The following ARHGEF33 variants were observed in gnomAD, a reference collection of about 807,000 sequenced individuals.
The protein encoded by ARHGEF33 is Rho guanine nucleotide exchange factor 33, also known as DH and coiled-coil domain-containing protein ENSP00000381780.
In ARHGEF33, 72 loss-of-function variants were observed where a neutral mutation model predicts 101.9. The observed-to-expected ratio is 0.71, with a 90% CI of 0.58 to 0.86. The LOEUF (loss-of-function observed/expected upper bound fraction) is 0.86. ARHGEF33 is among the 40% of genes least tolerant of loss of function. The pLI, the probability that ARHGEF33 is intolerant of heterozygous loss-of-function variation, is 0.00. For synonymous variants in ARHGEF33, 499 were observed against 442.5 expected (o/e 1.13, Z -1.60); for missense variants, 1,169 against 1,111.3 (o/e 1.05, Z -0.74).
At chr2:38,968,129 G>A (rs529587976) in intron 17 of ARHGEF33, among the ~76,000 whole-genome samples, 1 of 152,104 alleles carries the variant, frequency 6.6e-6, no homozygotes, top group African/African-American at 2.4e-5. Flanking sequence ...AGTGACATGA[G>A]GCAGAGGGAG....
chr2:38,956,890 T>A lies in ARHGEF33; in HGVS notation c.1222-9T>A. Reference sequence around the variant, plus strand: ...TATGCAATGCTACTTCCTTTTCCCCTCCATCCAGAACGTCCTGAAGTTCAC... The same window carrying A: ...TATGCAATGCTACTTCCTTTTCCCCACCATCCAGAACGTCCTGAAGTTCAC... On this transcript the variant is annotated splice_polypyrimidine_tract_variant and intron_variant, in intron 13 of 17. Transcript: ENST00000409978. 6.4e-7 allele frequency: 1 copy of A among 1,551,882 alleles called. No homozygotes were observed. The highest frequency in any genetic ancestry group is 8.7e-7 in the Non-Finnish European group (1 of 1,146,750).
At chr2:38,945,109 G>T (rs1173756609) in intron 10 of ARHGEF33, among the ~76,000 whole-genome samples, 1 of 152,128 alleles carries the variant, frequency 6.6e-6, no homozygotes, top group African/African-American at 2.4e-5. Context: ...CAATCCAAAA[G>T]AATGGAAAGT....
intron 2 of ARHGEF33, among the ~76,000 whole-genome samples, chr2:38,913,161 C>CA (rs1666551646): frequency 6.6e-6 from 1 of 152,076 alleles, no homozygotes; most frequent in African/African-American, 2.4e-5. Context: ...CACAGCCTCC[C>CA]AAGTAGCTGA....
In ARHGEF33 at chr2:38,973,781, C is replaced by A. The variant is rs778577494; in HGVS notation, c.2551C>A (p.Gln851Lys). 3.2e-6 allele frequency: 5 copies of A among 1,549,226 alleles called. No homozygotes were observed. In the South Asian group the frequency reaches 6.0e-5, roughly 18 times the overall value. ...NPSMDPSPTK[Q>K]DFFRNRLALA... Reference sequence around the variant, plus strand: ...CTCAATGGATCCTTCACCCACCAAACAAGATTTCTTCAGAAACCGACTTGC... The same window carrying A: ...CTCAATGGATCCTTCACCCACCAAAAAAGATTTCTTCAGAAACCGACTTGC... Residue 851 changes from glutamine to lysine, a missense_variant, in exon 18 of 18, where the codon CAA becomes AAA. Coordinates refer to ENST00000409978, the MANE Select transcript of ARHGEF33 (RefSeq NM_001145451.5).
Position 38,944,357 on chromosome 2 carries a change from A to G in ARHGEF33, c.920+327A>G, listed in dbSNP as rs1667386407. Among the ~76,000 whole-genome samples, 3 of 152,276 alleles carry G rather than the reference A, an allele frequency of 2.0e-5. No individual in the cohort carries two copies. In the South Asian group the frequency reaches 6.2e-4, roughly 32 times the overall value. On this transcript the variant is annotated intron_variant, in intron 10 of 17. Transcript: ENST00000409978. ...GTCTTCCAGAGAGGAGGAACATTGCAGCCTTACATGGCAGAAGATCAGGAG... is the reference window on the plus strand; with the variant it reads ...GTCTTCCAGAGAGGAGGAACATTGCGGCCTTACATGGCAGAAGATCAGGAG...
At chr2:38,932,611 A>G (rs1667033688) in intron 7 of ARHGEF33, among the ~76,000 whole-genome samples, 1 of 152,232 alleles carries the variant, frequency 6.6e-6, no homozygotes, top group Non-Finnish European at 1.5e-5. Context: ...GAAAGAGTAT[A>G]GTATAGGATA....
chr2:38,938,182 G>A (rs947572747), intron 9 of ARHGEF33, among the ~76,000 whole-genome samples: 3 of 152,142 alleles, frequency 2.0e-5, no homozygotes, highest in African/African-American at 4.8e-5. Context: ...TCGGGGGCAT[G>A]GGGGAGGGAG....
chr2:38,919,107 C>A (rs1666700565), intron 2 of ARHGEF33, among the ~76,000 whole-genome samples: 1 of 152,098 alleles, frequency 6.6e-6, no homozygotes, highest in African/African-American at 2.4e-5. Flanking sequence ...ACCAATAGAT[C>A]TTAATTAATG....
At chr2:38,969,830 C>G (rs1360137120) in intron 17 of ARHGEF33, among the ~76,000 whole-genome samples, 1 of 152,282 alleles carries the variant, frequency 6.6e-6, no homozygotes, top group East Asian at 1.9e-4. Flanking sequence ...ATACTTATTC[C>G]CCTGCCTTTG....
At chr2:38,899,418 C>G (rs1666195223) in intron 2 of ARHGEF33, among the ~76,000 whole-genome samples, 1 of 152,054 alleles carries the variant, frequency 6.6e-6, no homozygotes, top group Non-Finnish European at 1.5e-5. Context: ...ACTCTAGTAT[C>G]ATAAGATATT....
At chr2:38,949,598 G>T (rs2124410355) in intron 10 of ARHGEF33, among the ~76,000 whole-genome samples, 1 of 152,268 alleles carries the variant, frequency 6.6e-6, no homozygotes, top group Middle Eastern at 3.4e-3. Flanking sequence ...GAGAAGAGAG[G>T]GATGGAAGGG....
chr2:38,935,729 A>C, intron 7 of ARHGEF33, 46 bp from the exon 8 acceptor site: 1 of 1,509,924 alleles, frequency 6.6e-7, no homozygotes, highest in Non-Finnish European at 9.0e-7. Flanking sequence ...TGCTTAGTCC[A>C]TGTTAGTGGA....
At position 38,921,393 on chromosome 2, in the gene ARHGEF33, G is replaced by A. The variant is rs527682624; in HGVS notation, c.45G>A (p.Pro15=). 20 of 1,545,952 alleles carry A rather than the reference G, an allele frequency of 1.3e-5. No individual in the cohort carries two copies. The highest frequency in any genetic ancestry group is 4.1e-5 in the African/African-American group (3 of 73,010). The change falls in exon 4 of 18, where the codon CCG becomes CCA. Residue 15 remains proline (P), a synonymous_variant. Coordinates refer to ENST00000409978, the MANE Select transcript of ARHGEF33 (RefSeq NM_001145451.5). ...KTKQGENEHM[P]VNNPSTQIYQ... is the part of the protein sequence containing the mutation. ...CTGCAGGAGAGAATGAACATATGCC[G>A]GTGAATAATCCTTCCACGCAGATTT... is the stretch of plus-strand genomic sequence containing the variant.
At chr2:38,931,050 C>G in intron 6 of ARHGEF33, 59 bp from the exon 7 acceptor site, 2 of 1,354,806 alleles carry the variant, frequency 1.5e-6, no homozygotes, top group Non-Finnish European at 2.0e-6. Context: ...ACTGAATCTC[C>G]TCATAACCTA....
At chr2:38,961,015 G>C (rs987703843) in intron 16 of ARHGEF33, among the ~76,000 whole-genome samples, 1 of 152,140 alleles carries the variant, frequency 6.6e-6, no homozygotes, top group African/African-American at 2.4e-5. Flanking sequence ...CTTATGTGAA[G>C]AGTTGCACTT....
intron 17 of ARHGEF33, chr2:38,973,079 A>G (rs534237288): frequency 6.6e-6 from 1 of 152,414 alleles, no homozygotes; most frequent in South Asian, 2.1e-4. Context: ...CTTAAGCAAG[A>G]TAAAGGAAGA....
chr2:38,939,511 A>G (rs183436736), intron 9 of ARHGEF33, among the ~76,000 whole-genome samples: 124 of 152,334 alleles, frequency 8.1e-4, no homozygotes, highest in Non-Finnish European at 1.5e-3. Flanking sequence ...AGTCCTTTCA[A>G]TGTTAGCCAT....
chr2:38,959,005 G>A (rs990435114), intron 15 of ARHGEF33, among the ~76,000 whole-genome samples: 5 of 152,314 alleles, frequency 3.3e-5, no homozygotes, highest in African/African-American at 7.2e-5. Flanking sequence ...TCGGCCTCCC[G>A]AAGTCTTTAT....
At chr2:38,951,233 T>G (rs761319512) in intron 11 of ARHGEF33, 112 bp downstream of exon 11, 17 of 973,282 alleles carry the variant, frequency 1.7e-5, no homozygotes, top group Non-Finnish European at 2.4e-5. Flanking sequence ...CTAGAACCAC[T>G]GAGATCTAGT....
Sources: allele counts gnomAD v4.1 joint callset (sites outside exome capture counted in the v4.1 genomes callset), GRCh38; gene constraint gnomAD v4.1.1; transcripts MANE v1.5; gene names NCBI Gene and HGNC (gene_info 2026-07-23, HGNC 2026-07-21).